Variants in UNC80 observed in about 807,000 individuals in gnomAD.
The protein encoded by UNC80 is protein unc-80 homolog.
In UNC80, 164 loss-of-function variants were observed where a neutral mutation model predicts 384.6. The observed-to-expected ratio is 0.43, with a 90% confidence interval of 0.38 to 0.49. The LOEUF (loss-of-function observed/expected upper bound fraction) is 0.49. Ranked by LOEUF, UNC80 falls within the 20% of genes least tolerant of loss-of-function variation. UNC80 has a pLI of 0.00. For missense variants in UNC80, 3,330 were observed against 4,143.0 expected (o/e 0.80, Z 5.39); for synonymous variants, 1,486 against 1,527.8 (o/e 0.97, Z 0.64).
At chr2:209,937,157 C>A (rs188787980) in intron 41 of UNC80, among the ~76,000 whole-genome samples, 1 of 152,164 alleles carries the variant, frequency 6.6e-6, no homozygotes. Context: ...GGTATCCATG[C>A]TAGAGCAGTT....
intron 48 of UNC80, among the ~76,000 whole-genome samples, chr2:209,955,738 T>TATATATATATATATATAC (rs1437539911): frequency 5.6e-5 from 3 of 53,554 alleles, no homozygotes; most frequent in Non-Finnish European, 9.3e-5. Flanking sequence ...TATATATATA[T>TATATATATATATATATAC]ACACACACAC....
chr2:209,793,207 G>A (rs1263467498), intron 6 of UNC80, among the ~76,000 whole-genome samples: 2 of 152,194 alleles, frequency 1.3e-5, no homozygotes, highest in East Asian at 1.9e-4. Context: ...ACTGCTGAAT[G>A]TGTACTTATA....
At chr2:209,912,173 T>C (rs903150496) in intron 29 of UNC80, among the ~76,000 whole-genome samples, 2 of 152,206 alleles carry the variant, frequency 1.3e-5, no homozygotes, top group Non-Finnish European at 2.9e-5. Context: ...TCTGACTAAA[T>C]ATTTTAAAAG....
intron 9 of UNC80, among the ~76,000 whole-genome samples, chr2:209,815,849 C>T (rs571094013): frequency 6.6e-6 from 1 of 152,256 alleles, no homozygotes; most frequent in African/African-American, 2.4e-5. Context: ...AGTCCAAACT[C>T]AAAAGTAGGT....
intron 47 of UNC80, among the ~76,000 whole-genome samples, chr2:209,952,884 G>A (rs548151749): frequency 3.3e-5 from 5 of 152,020 alleles, no homozygotes; most frequent in African/African-American, 7.3e-5. Context: ...TTCTTTCTCC[G>A]TACCCATGAA....
At chr2:209,792,626 C>T (rs1360123036) in intron 6 of UNC80, among the ~76,000 whole-genome samples, 1 of 152,156 alleles carries the variant, frequency 6.6e-6, no homozygotes, top group Admixed American at 6.5e-5. Flanking sequence ...GGATTACAGG[C>T]ATGAGCCACC....
chr2:209,831,198 G>C (rs1487977721), intron 15 of UNC80, among the ~76,000 whole-genome samples: 1 of 151,054 alleles, frequency 6.6e-6, no homozygotes, highest in Non-Finnish European at 1.5e-5. Context: ...CCTTTGCTAA[G>C]ATTTATCAAT....
chr2:209,968,968 C>T (rs569459450), intron 52 of UNC80: 10 of 152,132 alleles, frequency 6.6e-5, no homozygotes, highest in Non-Finnish European at 1.0e-4. Context: ...CCTTCAGTGT[C>T]GGAGATGTCA....
intron 22 of UNC80, among the ~76,000 whole-genome samples, chr2:209,869,448 C>T (rs2084109805): frequency 6.6e-6 from 1 of 152,092 alleles, no homozygotes; most frequent in Non-Finnish European, 1.5e-5. Context: ...ACTTAATTAG[C>T]TGTTGCTTAC....
intron 28 of UNC80, among the ~76,000 whole-genome samples, chr2:209,904,178 G>T (rs2087891694): frequency 6.6e-6 from 1 of 152,224 alleles, no homozygotes; most frequent in South Asian, 2.1e-4. Context: ...TTAGCTACAA[G>T]AGAAGAGCTA....
chr2:209,960,360 A>G (rs2092551270), intron 51 of UNC80, among the ~76,000 whole-genome samples: 1 of 152,220 alleles, frequency 6.6e-6, no homozygotes, highest in South Asian at 2.1e-4. Flanking sequence ...CTTCCTACAG[A>G]GATGCCATTT....
chr2:209,905,702 G>T (rs2088105679), intron 29 of UNC80, among the ~76,000 whole-genome samples: 1 of 152,176 alleles, frequency 6.6e-6, no homozygotes, highest in Non-Finnish European at 1.5e-5. Context: ...GCATAAATAG[G>T]CCCACTGTTC....
intron 47 of UNC80, among the ~76,000 whole-genome samples, chr2:209,952,748 C>T (rs1035338433): frequency 4.6e-5 from 7 of 152,170 alleles, no homozygotes; most frequent in African/African-American, 1.7e-4. Context: ...AAATTTTGTC[C>T]ACCCTTTCTA....
intron 4 of UNC80, among the ~76,000 whole-genome samples, chr2:209,780,090 A>G (rs1327194393): frequency 6.6e-6 from 1 of 152,238 alleles, no homozygotes; most frequent in Non-Finnish European, 1.5e-5. Flanking sequence ...AACAAATGTT[A>G]GTTGTCTTTA....
At chr2:209,809,375 G>A in intron 7 of UNC80, 1 of 995,440 alleles carries the variant, frequency 1.0e-6, no homozygotes, top group Non-Finnish European at 1.6e-6. Flanking sequence ...CTGCTGCGGG[G>A]CCATGTCCGG....
At position 209,917,894 on chromosome 2, in the gene UNC80, C is replaced by G. The variant is rs1337709618; in HGVS notation, c.5147C>G (p.Thr1716Arg). 1.9e-6 allele frequency: 3 copies of G among 1,551,676 alleles called. No homozygotes were observed. The highest frequency in any genetic ancestry group is 4.9e-5 in the East Asian group (2 of 40,934). ...CTGAACGCTGTCCTCAAGTTCCACA[C>G]GCTCTGGAGGTTTCGCTATCAGGTC... The part of the protein sequence containing the change: ...QRLNAVLKFH[T>R]LWRFRYQVWP... Residue 1716 changes from threonine (T) to arginine (R), a missense_variant, in exon 32 of 65, where the codon ACG (threonine) becomes AGG (arginine). By Grantham distance (71) the Thr-to-Arg change is moderately conservative (BLOSUM62 -1). This residue lies in a region of UNC80 where 801 missense variants were observed against 950.8 expected (regional missense o/e 0.84). Transcript: ENST00000673920.
intron 21 of UNC80, among the ~76,000 whole-genome samples, chr2:209,846,247 TATTC>T (rs1425520646): frequency 2.0e-5 from 3 of 152,158 alleles, no homozygotes; most frequent in Admixed American, 6.6e-5. Context: ...ATTTAAAAGT[TATTC>T]AATAAATAAA....
At chr2:209,835,043 C>T (rs542704067) in intron 18 of UNC80, 33 bp downstream of exon 18, 79 of 1,434,692 alleles carry the variant, frequency 5.5e-5, no homozygotes, top group East Asian at 3.0e-4. Flanking sequence ...CCAGTGCAGA[C>T]GGCTATGCAC....
At chr2:209,900,418 G>C (rs867165438) in intron 28 of UNC80, among the ~76,000 whole-genome samples, 1 of 151,950 alleles carries the variant, frequency 6.6e-6, no homozygotes, top group Non-Finnish European at 1.5e-5. Context: ...TATTATTGTC[G>C]TTGTTTTGGG....
Sources: allele counts gnomAD v4.1 joint callset (sites outside exome capture counted in the v4.1 genomes callset), GRCh38; gene constraint gnomAD v4.1.1; regional missense constraint gnomAD v4.1.1; transcripts MANE v1.5; gene names NCBI Gene and HGNC (gene_info 2026-07-23, HGNC 2026-07-21).